Variants in NBEA observed in about 807,000 individuals in gnomAD.
NBEA encodes the protein lysosomal-trafficking regulator 2.
A neutral mutation model predicts 343.4 loss-of-function variants in NBEA; 44 were observed. The observed-to-expected ratio is 0.13, with a 90% CI of 0.10 to 0.16. NBEA has a LOEUF of 0.16. Ranked by LOEUF, NBEA falls within the 10% of genes least tolerant of loss-of-function variation. The pLI is 1.00. For missense variants in NBEA, 2,555 were observed against 3,631.3 expected (o/e 0.70, Z 7.62); for synonymous variants, 1,175 against 1,238.7 (o/e 0.95, Z 1.08).
intron 38 of NBEA, among the ~76,000 whole-genome samples, chr13:35,373,888 G>A (rs1170070831): frequency 6.6e-6 from 1 of 151,930 alleles, no homozygotes; most frequent in East Asian, 1.9e-4. Context: ...TTTTGCAGAG[G>A]TGGAAGAAAA....
At chr13:35,527,273 G>A (rs907661413) in intron 41 of NBEA, among the ~76,000 whole-genome samples, 3 of 152,132 alleles carry the variant, frequency 2.0e-5, no homozygotes, top group Non-Finnish European at 2.9e-5. Context: ...CTGATCGGCC[G>A]AACGGTCATC....
chr13:35,392,232 G>C (rs1020938164), intron 38 of NBEA, among the ~76,000 whole-genome samples: 2 of 151,934 alleles, frequency 1.3e-5, no homozygotes, highest in Admixed American at 1.3e-4. Context: ...CAAAAGAAAA[G>C]ATTTATGTTT....
intron 18 of NBEA, among the ~76,000 whole-genome samples, chr13:35,148,705 C>A (rs1037191508): frequency 6.6e-6 from 1 of 152,122 alleles, no homozygotes; most frequent in Non-Finnish European, 1.5e-5. Context: ...CTTATAATTA[C>A]AAATATATTT....
chr13:35,595,086 GC>G (rs2081724304), intron 47 of NBEA, among the ~76,000 whole-genome samples: 1 of 151,736 alleles, frequency 6.6e-6, no homozygotes, highest in African/African-American at 2.4e-5. Context: ...TCACTTCCTA[GC>G]CTGAGAATTT....
intron 13 of NBEA, among the ~76,000 whole-genome samples, chr13:35,115,217 A>G (rs1395974655): frequency 6.6e-6 from 1 of 152,146 alleles, no homozygotes; most frequent in Non-Finnish European, 1.5e-5. Context: ...TTCTCTGCTC[A>G]TACAAACATG....
At chr13:35,001,877 TTCA>T (rs755204258) in intron 1 of NBEA, among the ~76,000 whole-genome samples, 3 of 152,178 alleles carry the variant, frequency 2.0e-5, no homozygotes, top group Non-Finnish European at 4.4e-5. Context: ...TTGTGCTGAT[TTCA>T]TCATTATACA....
chr13:35,666,454 C>T (rs2085359358), intron 56 of NBEA, among the ~76,000 whole-genome samples: 1 of 150,320 alleles, frequency 6.7e-6, no homozygotes, highest in Admixed American at 6.6e-5. Context: ...ATAGTAGGCG[C>T]CAAGAAAGAG....
intron 1 of NBEA, among the ~76,000 whole-genome samples, chr13:34,996,813 G>A (rs1335657538): frequency 1.3e-5 from 2 of 152,144 alleles, no homozygotes; most frequent in African/African-American, 2.4e-5. Flanking sequence ...TATGTGTTAA[G>A]TAAATAGTAT....
At chr13:35,254,687 T>A (rs1198241132) in intron 34 of NBEA, among the ~76,000 whole-genome samples, 1 of 151,978 alleles carries the variant, frequency 6.6e-6, no homozygotes, top group Non-Finnish European at 1.5e-5. Flanking sequence ...ATTTTAAAAA[T>A]TTTTTTTCAA....
chr13:35,414,025 C>T (rs2043747767), intron 38 of NBEA, among the ~76,000 whole-genome samples: 1 of 152,072 alleles, frequency 6.6e-6, no homozygotes. Context: ...ATAAGTGGCT[C>T]CTGTCTGTTC....
At chr13:35,372,515 G>A (rs2041495216) in intron 38 of NBEA, among the ~76,000 whole-genome samples, 1 of 152,166 alleles carries the variant, frequency 6.6e-6, no homozygotes, top group Non-Finnish European at 1.5e-5. Flanking sequence ...TGCTGGCTGA[G>A]GTAGACAGGG....
chr13:35,003,880 T>C (rs1593431143), intron 1 of NBEA, among the ~76,000 whole-genome samples: 1 of 152,282 alleles, frequency 6.6e-6, no homozygotes, highest in Non-Finnish European at 1.5e-5. Flanking sequence ...TAACAACCCA[T>C]CTCCTAGGTA....
chr13:35,493,156 T>C (rs1489813269), intron 41 of NBEA, among the ~76,000 whole-genome samples: 1 of 151,700 alleles, frequency 6.6e-6, no homozygotes, highest in African/African-American at 2.4e-5. Flanking sequence ...CCATGAAGAG[T>C]AGAATGAATG....
intron 38 of NBEA, among the ~76,000 whole-genome samples, chr13:35,378,711 A>G (rs1364041648): frequency 6.6e-6 from 1 of 151,882 alleles, no homozygotes; most frequent in Non-Finnish European, 1.5e-5. Flanking sequence ...GAACAGCTCC[A>G]TGAATTTTCA....
At chr13:35,604,364 T>G (rs2082193929) in intron 47 of NBEA, among the ~76,000 whole-genome samples, 2 of 152,170 alleles carry the variant, frequency 1.3e-5, no homozygotes, top group African/African-American at 4.8e-5. Flanking sequence ...TGAGGTCTTG[T>G]ACATAGTTTA....
Position 34,942,412 on chromosome 13 carries a change from C to G in NBEA, c.-409C>G, listed in dbSNP as rs1456509643. The G allele has an allele frequency of 6.4e-6, 1 of 156,824 alleles. No individual in the cohort carries two copies. The allele number at this position is 156,824 out of a possible 1,614,324, so 9.7% of individuals were successfully genotyped here. A position where few individuals can be genotyped will look rare whatever the true frequency, so the allele number is the denominator to read the frequency against. On this transcript the variant is annotated 5_prime_UTR_variant, in exon 1 of 59. Coordinates refer to ENST00000379939, the MANE Select transcript of NBEA (RefSeq NM_001385012.1). ...CCACAGCCTGAGCTTCAGCACCGGC[C>G]AGCGTCGTGGCCAGCTGCTCGCGTC...
At chr13:35,162,612 T>C (rs1213364860) in intron 23 of NBEA, among the ~76,000 whole-genome samples, 2 of 151,996 alleles carry the variant, frequency 1.3e-5, no homozygotes, top group Non-Finnish European at 2.9e-5. Context: ...TCTTCTCCTC[T>C]TTTCTTCTTT....
chr13:35,429,422 G>T lies in NBEA; in HGVS notation c.6180-2847G>T, dbSNP rs533860540. Among the ~76,000 whole-genome samples, 19 of 151,310 alleles carry T rather than the reference G, an allele frequency of 1.3e-4. No individual in the cohort carries two copies. The South Asian group carries it at 1.7e-3, about 13-fold the overall frequency. ...TCTTGCTAAACTGCTGTTTTTTTTT[G>T]ATCTTTTGACTAGAGGGAGCAGGCT... On this transcript the variant is annotated intron_variant, in intron 38 of 58. Coordinates refer to ENST00000379939, the MANE Select transcript of NBEA (RefSeq NM_001385012.1).
rs2066002260 is a variant in NBEA at position 35,108,015 on chromosome 13, TG to T, written c.1681-1274del. ...GTTTATGTAGAAGTGTGAAAATTCA[TG>T]AAGTGCTTAAGTCAAATATATTGAG... is the stretch of plus-strand genomic sequence containing the variant. On this transcript the variant is annotated intron_variant, in intron 11 of 58. Transcript: ENST00000379939. 3.3e-5 allele frequency among the ~76,000 whole-genome samples: 5 copies of T among 152,158 alleles called. No homozygotes were observed. The South Asian group carries it at 1.0e-3, about 31-fold the overall frequency.
Sources: gnomAD v4.1 joint callset for allele counts (sites outside exome capture counted in the v4.1 genomes callset) on GRCh38, gnomAD v4.1.1 for gene constraint, MANE v1.5 for transcripts, NCBI Gene and HGNC (gene_info 2026-07-23, HGNC 2026-07-21) for gene names.